Variants in BCOR observed in about 807,000 individuals in gnomAD.
BCOR encodes BCL6 corepressor, also known as BCL-6 corepressor.
In BCOR, 10 loss-of-function variants were observed where a neutral mutation model predicts 86.7. That is an observed-to-expected ratio of 0.12 (90% CI 0.07 to 0.20). The LOEUF (loss-of-function observed/expected upper bound fraction) is 0.20. BCOR is among the 10% of genes least tolerant of loss of function. The pLI is 1.00. For missense variants in BCOR, 1,259 were observed against 1,452.1 expected, an observed-to-expected ratio of 0.87 and a Z score of 2.16; for synonymous variants, 611 against 609.0, an observed-to-expected ratio of 1.00 and a Z score of -0.05.
chrX:40,139,392 TAC>T lies in BCOR; in HGVS notation c.-41+37613_-41+37614del, dbSNP rs1937768017. ...AATATATATATATATATAATATATATACATATATATATATATATATATAATAT... is the reference window on the plus strand; with the variant it reads ...AATATATATATATATATAATATATATATATATATATATATATATATAATAT... On this transcript the variant is annotated intron_variant, in intron 1 of 14. Coordinates refer to the BCOR transcript ENST00000342274. Among the ~76,000 whole-genome samples, 2 of 9,152 alleles carry T rather than the reference TAC, an allele frequency of 2.2e-4. 1 individual carries two copies. The highest frequency in any genetic ancestry group is 1.7e-3 in the African/African-American group (2 of 1,212). The allele number at this position is 9,152 out of a possible 115,157, so 7.9% of individuals were successfully genotyped here. A position where few individuals can be genotyped will look rare whatever the true frequency, so the allele number is the denominator to read the frequency against.
In BCOR at chrX:40,072,410, C is replaced by T; in HGVS notation, c.2936G>A (p.Cys979Tyr). ...SAGYVGDRFK[C>Y]VTTELYADSS... ...ATCTGCATACAGTTCGGTAGTGACA[C>T]ATTTGAATCGGTCACCCACGTAACC... Residue 979 changes from cysteine to tyrosine, a missense_variant, in exon 4 of 15, where the codon TGT (cysteine) becomes TAT (tyrosine). By Grantham distance (194) the Cys-to-Tyr change is radical. Coordinates refer to ENST00000378444, the MANE Select transcript of BCOR (RefSeq NM_001123385.2). 1.7e-6 allele frequency: 2 copies of T among 1,210,652 alleles called. No homozygotes were observed. Among genetic ancestry groups the T allele is most frequent in the South Asian group, 3.5e-5 (2 of 56,684 alleles).
At chrX:40,052,555 A>ATTTTTTT (rs1314879202) in intron 14 of BCOR, among the ~76,000 whole-genome samples, 155 bp from the exon 15 acceptor site, 1 of 47,778 alleles carries the variant, frequency 2.1e-5, no homozygotes, top group Non-Finnish European at 3.8e-5. Context: ...TCTGATCACC[A>ATTTTTTT]TTTTTTTTTT....
chrX:40,131,498 T>G (rs1456294620), intron 1 of BCOR, among the ~76,000 whole-genome samples: 1 of 111,472 alleles, frequency 9.0e-6, no homozygotes, highest in Non-Finnish European at 1.9e-5. Flanking sequence ...AAATACAAAA[T>G]TAGCCAGGCG....
At chrX:40,093,651 A>T (rs769102092) in intron 1 of BCOR, among the ~76,000 whole-genome samples, 1 of 112,011 alleles carries the variant, frequency 8.9e-6, no homozygotes, top group South Asian at 3.8e-4. Context: ...GTTCCTGGTT[A>T]AAAGTATGTC....
Position 40,079,316 on chromosome X carries a change from C to T in BCOR, c.-40-1347G>A, listed in dbSNP as rs187120105. Among the ~76,000 whole-genome samples the T allele has an allele frequency of 2.5e-3, 281 of 112,539 alleles. 2 individuals are homozygous for T. Among genetic ancestry groups the T allele is most frequent in the Admixed American group, 5.6e-3 (60 of 10,689 alleles). On this transcript the variant is annotated intron_variant, in intron 1 of 14. Coordinates refer to ENST00000378444, the MANE Select transcript of BCOR (RefSeq NM_001123385.2). ...ATGCTTGCTTTTACACTTTAGCACA[C>T]GGAGCAGACTGCCAGGTCGGTTGGG...
At chrX:40,111,313 G>A (rs1008922024) in intron 1 of BCOR, among the ~76,000 whole-genome samples, 4 of 110,883 alleles carry the variant, frequency 3.6e-5, no homozygotes, top group African/African-American at 9.9e-5. Context: ...TCTTAACCTC[G>A]CATCTCCTTT....
At chrX:40,161,288 C>A (rs1306773469) in intron 1 of BCOR, among the ~76,000 whole-genome samples, 1 of 107,206 alleles carries the variant, frequency 9.3e-6, no homozygotes, top group African/African-American at 3.4e-5. Flanking sequence ...CTCACTGCAA[C>A]CTCCGCCTGC....
At chrX:40,081,951 G>A (rs1203958497) in intron 1 of BCOR, among the ~76,000 whole-genome samples, 1 of 112,646 alleles carries the variant, frequency 8.9e-6, no homozygotes, top group African/African-American at 3.2e-5. Context: ...ATGGTCTCCA[G>A]CTCTTAGCAC....
Position 40,075,197 on chromosome X carries a change from C to A in BCOR, c.166-17G>T, listed in dbSNP as rs1435889148. On this transcript the variant is annotated splice_polypyrimidine_tract_variant and intron_variant, in intron 3 of 14. Transcript: ENST00000378444. ...CGCATCCACCTTTGCAGAAGAACAA[C>A]ATGGGTGTTACTGGGATACTCCTTC... 21 of 1,192,683 alleles carry A rather than the reference C, an allele frequency of 1.8e-5. No homozygotes were observed. The highest frequency in any genetic ancestry group is 2.1e-5 in the Non-Finnish European group (19 of 884,814).
chrX:40,128,097 C>T (rs1176937489), intron 1 of BCOR, among the ~76,000 whole-genome samples: 4 of 109,608 alleles, frequency 3.6e-5, no homozygotes, highest in African/African-American at 6.6e-5. Flanking sequence ...TGGTGGCATG[C>T]ACCTGTAGTC....
At chrX:40,111,564 TTAAAA>T (rs1937311983) in intron 1 of BCOR, among the ~76,000 whole-genome samples, 1 of 111,841 alleles carries the variant, frequency 8.9e-6, no homozygotes, top group African/African-American at 3.3e-5. Flanking sequence ...TCTGTAGCTG[TTAAAA>T]TAATAAAGAA....
At chrX:40,071,732 C>T (rs931175538) in intron 4 of BCOR, 42 bp from the exon 5 acceptor site, 15 of 1,010,301 alleles carry the variant, frequency 1.5e-5, no homozygotes, top group Non-Finnish European at 2.1e-5. Flanking sequence ...ATTTAGATAA[C>T]TTCATCCATT....
chrX:40,126,201 C>T (rs1358107761), intron 1 of BCOR, among the ~76,000 whole-genome samples: 89 of 73,964 alleles, frequency 1.2e-3, no homozygotes, highest in African/African-American at 4.7e-3. Context: ...GGCGACAGAG[C>T]GAGACTCCGT....
intron 1 of BCOR, among the ~76,000 whole-genome samples, chrX:40,154,331 G>C (rs1938239602): frequency 9.1e-6 from 1 of 109,649 alleles, no homozygotes; most frequent in Non-Finnish European, 1.9e-5. Flanking sequence ...ATCGATCGCG[G>C]AGTGTACAGA....
At chrX:40,068,908 C>T (rs1216853300) in intron 6 of BCOR, among the ~76,000 whole-genome samples, 2 of 113,259 alleles carry the variant, frequency 1.8e-5, no homozygotes, top group East Asian at 2.8e-4. Context: ...GCCGCACAGG[C>T]GGCACCTGCC....
At chrX:40,088,495 A>G (rs1936457332) in intron 1 of BCOR, among the ~76,000 whole-genome samples, 1 of 110,934 alleles carries the variant, frequency 9.0e-6, no homozygotes, top group African/African-American at 3.3e-5. Flanking sequence ...GGAGGAGAGA[A>G]AGGGAGGGAG....
chrX:40,168,080 GCACA>G (rs1938540878), intron 1 of BCOR, among the ~76,000 whole-genome samples: 1 of 112,719 alleles, frequency 8.9e-6, no homozygotes, highest in African/African-American at 3.2e-5. Context: ...TCATCGGAAC[GCACA>G]CACAGACACG....
At chrX:40,099,916 A>T (rs960555548), upstream of BCOR, among the ~76,000 whole-genome samples, 1 of 112,147 alleles carries the variant, frequency 8.9e-6, no homozygotes, top group African/African-American at 3.2e-5. Flanking sequence ...GAACGCTTCC[A>T]GGACCAGCGC....
At chrX:40,064,037 G>C (rs544464429) in intron 7 of BCOR, 85 bp from the exon 8 acceptor site, 2 of 625,509 alleles carry the variant, frequency 3.2e-6, no homozygotes, top group South Asian at 2.9e-5. Context: ...GGGTGGGGGA[G>C]GGGGGGTGTG....
Sources: allele counts gnomAD v4.1 joint callset (sites outside exome capture counted in the v4.1 genomes callset), GRCh38; gene constraint gnomAD v4.1.1; transcripts MANE v1.5; gene names NCBI Gene and HGNC (gene_info 2026-07-23, HGNC 2026-07-21).